MACROD2: variants seen among roughly 807,000 people sequenced by gnomAD.
The protein encoded by MACROD2 is mono-ADP ribosylhydrolase 2.
In MACROD2, 36 loss-of-function variants were observed where a neutral mutation model predicts 70.4. That is an observed-to-expected ratio of 0.51 (90% confidence interval 0.39 to 0.68). The LOEUF is 0.68. MACROD2 is among the 30% of genes least tolerant of loss of function. The pLI, the probability that MACROD2 is intolerant of heterozygous loss-of-function variation, is 0.00. For synonymous variants in MACROD2, 172 were observed against 178.8 expected (o/e 0.96, Z 0.30); for missense variants, 496 against 538.4 (o/e 0.92, Z 0.78).
intron 8 of MACROD2, among the ~76,000 whole-genome samples, chr20:15,650,542 C>A (rs776689796): frequency 2.0e-4 from 30 of 152,328 alleles, no homozygotes; most frequent in Middle Eastern, 6.8e-3. Context: ...TTGCTCTAGG[C>A]TCACCTGAAA....
chr20:15,049,000 A>T (rs780591194), intron 5 of MACROD2, among the ~76,000 whole-genome samples: 1 of 151,996 alleles, frequency 6.6e-6, no homozygotes, highest in Non-Finnish European at 1.5e-5. Flanking sequence ...ATACTTTTTC[A>T]ATCAAAATTT....
At chr20:15,795,912 T>C (rs1159587239) in intron 8 of MACROD2, among the ~76,000 whole-genome samples, 2 of 152,314 alleles carry the variant, frequency 1.3e-5, no homozygotes, top group South Asian at 2.1e-4. Context: ...CTCTCACTCA[T>C]AATGCCACAT....
intron 5 of MACROD2, among the ~76,000 whole-genome samples, chr20:14,733,530 G>C (rs6042884): frequency 0.011 from 1,666 of 152,248 alleles, 29 homozygotes; most frequent in African/African-American, 0.038. Flanking sequence ...GTAAGAAATT[G>C]ATAATGTATC....
chr20:15,224,217 T>A (rs1037819265), intron 5 of MACROD2, among the ~76,000 whole-genome samples: 4 of 152,336 alleles, frequency 2.6e-5, no homozygotes, highest in African/African-American at 9.6e-5. Flanking sequence ...AATAATAGGA[T>A]GGTGGTTGCT....
intron 5 of MACROD2, among the ~76,000 whole-genome samples, chr20:14,890,970 CCTTCCTTCCTTCCTTCCTT>C (rs1568857319): frequency 3.0e-5 from 4 of 135,304 alleles, no homozygotes; most frequent in Non-Finnish European, 4.7e-5. Context: ...TTCCTTCCTT[CCTTCCTTCCTTCCTTCCTT>C]CCTCCCTCCC....
At chr20:15,441,231 A>G (rs143206889) in intron 7 of MACROD2, among the ~76,000 whole-genome samples, 1 of 152,284 alleles carries the variant, frequency 6.6e-6, no homozygotes, top group Non-Finnish European at 1.5e-5. Flanking sequence ...AAAATATGGT[A>G]CAGACTCCTC....
At chr20:14,232,573 A>T (rs1453149962) in intron 3 of MACROD2, among the ~76,000 whole-genome samples, 1 of 152,174 alleles carries the variant, frequency 6.6e-6, no homozygotes. Context: ...TACCTCCGCT[A>T]GCTCCCAGCT....
chr20:14,659,804 A>G (rs6110380), intron 4 of MACROD2, among the ~76,000 whole-genome samples: 3,523 of 152,234 alleles, frequency 0.023, 132 homozygotes, highest in African/African-American at 0.078. Context: ...TATATAAAAT[A>G]TATGCTTTCA....
At chr20:14,536,711 AT>A (rs1403189743) in intron 4 of MACROD2, among the ~76,000 whole-genome samples, 1 of 151,488 alleles carries the variant, frequency 6.6e-6, no homozygotes, top group East Asian at 1.9e-4. Flanking sequence ...ATTAAGTCAC[AT>A]TTTTTATATT....
chr20:14,838,723 G>C (rs1292029543), intron 5 of MACROD2, among the ~76,000 whole-genome samples: 1 of 152,104 alleles, frequency 6.6e-6, no homozygotes, highest in Non-Finnish European at 1.5e-5. Flanking sequence ...TGTGTTCACT[G>C]TCCCTTATGA....
chr20:15,132,734 A>G (rs1327008458), intron 5 of MACROD2, among the ~76,000 whole-genome samples: 1 of 152,076 alleles, frequency 6.6e-6, no homozygotes, highest in Non-Finnish European at 1.5e-5. Flanking sequence ...CCATTTTGCT[A>G]TTACAATTGA....
chr20:14,096,420 G>A (rs536714034), intron 3 of MACROD2, among the ~76,000 whole-genome samples: 1 of 140,118 alleles, frequency 7.1e-6, no homozygotes, highest in South Asian at 2.2e-4. Context: ...AGGTTGGAGT[G>A]CAGTGGCACA....
chr20:14,341,277 A>C (rs563881697), intron 3 of MACROD2, among the ~76,000 whole-genome samples: 1 of 152,238 alleles, frequency 6.6e-6, no homozygotes, highest in Non-Finnish European at 1.5e-5. Context: ...AAGCCTAAGA[A>C]ACATTCTTCA....
chr20:14,815,242 A>T (rs140939528), intron 5 of MACROD2, among the ~76,000 whole-genome samples: 2 of 152,176 alleles, frequency 1.3e-5, no homozygotes, highest in East Asian at 1.9e-4. Flanking sequence ...GTCTAGGTGA[A>T]GCTTCTGCAT....
At chr20:15,847,760 A>G (rs2064249746) in intron 8 of MACROD2, among the ~76,000 whole-genome samples, 1 of 152,146 alleles carries the variant, frequency 6.6e-6, no homozygotes, top group Non-Finnish European at 1.5e-5. Flanking sequence ...TTTTTTCCAT[A>G]TACCCCCAGT....
chr20:14,739,586 T>G (rs982289617), intron 5 of MACROD2, among the ~76,000 whole-genome samples: 4 of 151,926 alleles, frequency 2.6e-5, no homozygotes, highest in Admixed American at 2.6e-4. Context: ...TAAAAACTAT[T>G]AATAGAAAAA....
At chr20:14,111,215 T>C (rs2054446681) in intron 3 of MACROD2, among the ~76,000 whole-genome samples, 1 of 151,914 alleles carries the variant, frequency 6.6e-6, no homozygotes, top group Non-Finnish European at 1.5e-5. Flanking sequence ...TATACAAAAG[T>C]CAAACCAAAA....
intron 8 of MACROD2, among the ~76,000 whole-genome samples, chr20:15,686,302 G>A (rs2050224086): frequency 6.6e-6 from 1 of 152,086 alleles, no homozygotes; most frequent in Non-Finnish European, 1.5e-5. Context: ...AGGAACATGA[G>A]GTTTTCAGGG....
chr20:15,754,605 A>G (rs752546785), intron 8 of MACROD2, among the ~76,000 whole-genome samples: 16 of 151,830 alleles, frequency 1.1e-4, no homozygotes, highest in Non-Finnish European at 2.4e-4. Flanking sequence ...AAGCCTGGGC[A>G]ATAGAGCAAG....
Sources: allele counts gnomAD v4.1 joint callset (sites outside exome capture counted in the v4.1 genomes callset), GRCh38; gene constraint gnomAD v4.1.1; transcripts MANE v1.5; gene names NCBI Gene and HGNC (gene_info 2026-07-23, HGNC 2026-07-21).